The following KNDC1 variants were observed in gnomAD, a reference collection of about 807,000 sequenced individuals.
The protein encoded by KNDC1 is kinase non-catalytic C-lobe domain-containing protein 1.
In KNDC1, 106 loss-of-function variants were observed where a neutral mutation model predicts 172.8. That is an observed-to-expected ratio of 0.61 (90% CI 0.52 to 0.72). KNDC1 has a LOEUF of 0.72. Among genes scored for constraint, KNDC1 ranks in the 30% least tolerant of loss-of-function variants. KNDC1 has a pLI of 0.00. For synonymous variants in KNDC1, 1,083 were observed against 1,062.2 expected, an observed-to-expected ratio of 1.02 and a Z score of -0.38; for missense variants, 2,325 against 2,394.5, an observed-to-expected ratio of 0.97 and a Z score of 0.61.
rs1002176347 is a variant in KNDC1 at position 133,184,388 on chromosome 10, A to G, written c.625+399A>G. The stretch of plus-strand genomic sequence containing the variant: ...ACCCATGCACACACACATGCTGCGC[A>G]CACACACGCACACACGCACACACCC... On this transcript the variant is annotated intron_variant, in intron 5 of 29. Transcript: ENST00000304613. Among the ~76,000 whole-genome samples the G allele has an allele frequency of 5.9e-4, 87 of 147,140 alleles. 1 individual carries two copies. Among genetic ancestry groups the G allele is most frequent in the Middle Eastern group, 3.5e-3 (1 of 286 alleles).
At chr10:133,195,599 A>G in intron 9 of KNDC1, 64 bp from the exon 10 acceptor site, 2 of 1,416,960 alleles carry the variant, frequency 1.4e-6, no homozygotes, top group South Asian at 3.2e-5. Context: ...TGAGGTGGGC[A>G]GGTCTGCTGG....
chr10:133,187,468 T>C (rs1247930790), intron 6 of KNDC1, among the ~76,000 whole-genome samples: 1 of 152,254 alleles, frequency 6.6e-6, no homozygotes, highest in African/African-American at 2.4e-5. Context: ...GTGGCCTGCA[T>C]GCAAGTCCAT....
rs111210400 is a variant in KNDC1 at position 133,209,164 on chromosome 10, G to A, written c.3795-1447G>A. ...TGTGTGGTTGGGTATTGCGTGGCAG[G>A]TGTGCATGTGTGTATGGCATGGGGT... is the stretch of plus-strand genomic sequence containing the variant. On this transcript the variant is annotated intron_variant, in intron 20 of 29. Coordinates refer to ENST00000304613, the MANE Select transcript of KNDC1 (RefSeq NM_152643.8). This position sits in a 1 kb window ranked among gnomAD's most constrained non-coding sequence, Gnocchi z 4.9. 2.6e-3 allele frequency among the ~76,000 whole-genome samples: 387 copies of A among 151,600 alleles called. 2 individuals carry two copies. The highest frequency in any genetic ancestry group is 8.5e-3 in the African/African-American group (349 of 41,258).
At position 133,160,351 on chromosome 10, in the gene KNDC1, C is replaced by CGGGCGGGCGG. The variant is rs1564867118; in HGVS notation, c.-107_-98dup. 9 of 342,978 alleles carry CGGGCGGGCGG rather than the reference C, an allele frequency of 2.6e-5. No homozygotes were observed. The highest frequency in any genetic ancestry group is 1.2e-4 in the South Asian group (1 of 8,242). The allele number at this position is 342,978 out of a possible 1,614,324, so 21.2% of individuals were successfully genotyped here. On this transcript the variant is annotated 5_prime_UTR_variant, in exon 1 of 30. Coordinates refer to ENST00000304613, the MANE Select transcript of KNDC1 (RefSeq NM_152643.8). ...TCCCCTGGAGACACTGCGGCAGCGG[C>CGGGCGGGCGG]GGGCGGGCGGGGGCGGGCGAGGGCC...
rs751396237 is a variant in KNDC1 at position 133,183,834 on chromosome 10, C to T, written c.508-38C>T. ...TGGGTGGCTGCGGGAGATGGCCCCT[C>T]CTCCGAGCCTTCCTGTCTGAGGTGT... is the stretch of plus-strand genomic sequence containing the variant. On this transcript the variant is annotated intron_variant, in intron 4 of 29. Transcript: ENST00000304613. The T allele has an allele frequency of 2.7e-6, 4 of 1,479,924 alleles. No individual in the cohort carries two copies. The South Asian group carries it at 3.8e-5, about 14-fold the overall frequency. 91.7% of individuals were successfully genotyped at this position (1,479,924 alleles called of 1,614,324 possible). A position where few individuals can be genotyped will look rare whatever the true frequency, so the allele number is the denominator to read the frequency against.
rs781093672 is a variant in KNDC1, at chr10:133,201,764, G to A, written c.3253G>A (p.Gly1085Arg). Residue 1085 changes from glycine to arginine, a missense_variant, in exon 17 of 30, where the codon GGA becomes AGA. Transcript: ENST00000304613. ...CCCAGCCTTGTCCCCCGGCCCAGCC[G>A]GATTCCAGAGCTGCAGCCCCGGCTG... is the stretch of plus-strand genomic sequence containing the variant. The part of the protein sequence containing the change: ...VGPALSPGPA[G>R]FQSCSPGWCS... The A allele has an allele frequency of 4.4e-5, 69 of 1,560,712 alleles. No homozygotes were observed. The highest frequency in any genetic ancestry group is 1.8e-4 in the African/African-American group (13 of 73,266).
At chr10:133,180,131 C>T (rs1425705421) in intron 3 of KNDC1, among the ~76,000 whole-genome samples, 1 of 152,258 alleles carries the variant, frequency 6.6e-6, no homozygotes, top group Admixed American at 6.5e-5. Context: ...GGCTCAAATA[C>T]TGCAGCTTCT....
chr10:133,185,620 A>C (rs1205592019), intron 5 of KNDC1, among the ~76,000 whole-genome samples: 1 of 151,790 alleles, frequency 6.6e-6, no homozygotes, highest in East Asian at 2.0e-4. Flanking sequence ...GTGGGGACTC[A>C]CCTGTGTAAT....
intron 26 of KNDC1, among the ~76,000 whole-genome samples, 180 bp downstream of exon 26, chr10:133,214,302 T>C (rs1303526989): frequency 6.6e-6 from 1 of 152,076 alleles, no homozygotes; most frequent in Non-Finnish European, 1.5e-5. Context: ...CTTCACTACA[T>C]CAGGAGGAGG....
chr10:133,180,622 CA>C (rs1442397624), intron 3 of KNDC1, among the ~76,000 whole-genome samples: 1 of 152,258 alleles, frequency 6.6e-6, no homozygotes, highest in African/African-American at 2.4e-5. Context: ...TGAAGATAAA[CA>C]GGTCAGATTC....
In KNDC1 at chr10:133,218,872, A is replaced by C. The variant is rs3008370; in HGVS notation, c.4719A>C (p.Lys1573Asn). ...NLLSKFLLIA[K>N]SCYEQRNFAT... ...TGTCCAAATTTTTGCTGATTGCAAA[A>C]TCTTGCTATGAGCAGAGAAACTTCG... Residue 1573 changes from lysine (K) to asparagine (N), a missense_variant, in exon 27 of 30, where the codon AAA (lysine) becomes AAC (asparagine). Physicochemically the swap from Lys to Asn is moderately conservative, Grantham distance 94. Transcript: ENST00000304613. 6.2e-7 allele frequency: 1 copy of C among 1,613,514 alleles called. No individual in the cohort carries two copies. The highest frequency in any genetic ancestry group is 8.5e-7 in the Non-Finnish European group (1 of 1,179,572).
intron 3 of KNDC1, among the ~76,000 whole-genome samples, chr10:133,178,450 C>A (rs1186128861): frequency 2.0e-5 from 3 of 152,188 alleles, no homozygotes; most frequent in South Asian, 2.1e-4. Context: ...AAGGAATAGG[C>A]TTTCCACCCA....
rs372422290 is a variant in KNDC1 at position 133,201,581 on chromosome 10, G to T, written c.3070G>T (p.Ala1024Ser). ...CTCGGTGTCGGATGTGGACTCGGAC[G>T]CACTGTCACGGGGAAACTTCGAGGT... ...PTSVSDVDSD[A>S]LSRGNFEVGF... Residue 1024 changes from alanine (A) to serine (S), a missense_variant, in exon 17 of 30, where the codon GCA (alanine) becomes TCA (serine). By Grantham distance (99) the Ala-to-Ser change is moderately conservative (BLOSUM62 1). Coordinates refer to ENST00000304613, the MANE Select transcript of KNDC1 (RefSeq NM_152643.8). The T allele has an allele frequency of 6.2e-7, 1 of 1,612,942 alleles. No homozygotes were observed. The highest frequency in any genetic ancestry group is 8.5e-7 in the Non-Finnish European group (1 of 1,179,916).
At chr10:133,216,729 T>C (rs1845474294) in intron 26 of KNDC1, among the ~76,000 whole-genome samples, 1 of 152,150 alleles carries the variant, frequency 6.6e-6, no homozygotes, top group South Asian at 2.1e-4. Flanking sequence ...TTTGGTTTCT[T>C]TAGATTTGTT....
At chr10:133,222,232 G>A (rs1036613914) in intron 29 of KNDC1, among the ~76,000 whole-genome samples, 5 of 147,298 alleles carry the variant, frequency 3.4e-5, no homozygotes, top group Admixed American at 6.8e-5. Context: ...CCAGTGAGCC[G>A]AGATCGCGCC....
intron 3 of KNDC1, among the ~76,000 whole-genome samples, chr10:133,177,392 G>A (rs1300395051): frequency 6.6e-6 from 1 of 152,162 alleles, no homozygotes; most frequent in African/African-American, 2.4e-5. Flanking sequence ...ATGCAGTATG[G>A]TGTGTGGTGT....
At chr10:133,180,967 A>G (rs1025373182) in intron 3 of KNDC1, among the ~76,000 whole-genome samples, 1 of 152,370 alleles carries the variant, frequency 6.6e-6, no homozygotes, top group South Asian at 2.1e-4. Context: ...GTCATTTATC[A>G]GGAGGGTTTG....
rs1854024238 is a variant in KNDC1 at position 133,189,673 on chromosome 10, AGTGTGTGGGTTCCCCTCAGGCC to A, written c.1513+6_1513+27del. On this transcript the variant is annotated splice_donor_5th_base_variant and intron_variant, in intron 8 of 29. Transcript: ENST00000304613. Reference sequence around the variant, plus strand: ...TTCCAGCCACCCCCTGCCAACGGTGAGTGTGTGGGTTCCCCTCAGGCCGAGTCCAGCACCGGCTCGCCAGGGG... The same window carrying A: ...TTCCAGCCACCCCCTGCCAACGGTGAGAGTCCAGCACCGGCTCGCCAGGGG... The A allele has an allele frequency of 6.2e-7, 1 of 1,613,872 alleles. No homozygotes were observed. Among genetic ancestry groups the A allele is most frequent in the Non-Finnish European group, 8.5e-7 (1 of 1,179,952 alleles).
chr10:133,180,999 G>A lies in KNDC1; in HGVS notation c.361-2345G>A, dbSNP rs544356230. Among the ~76,000 whole-genome samples, 150 of 152,376 alleles carry A rather than the reference G, an allele frequency of 9.8e-4. 1 individual carries two copies. The highest frequency in any genetic ancestry group is 9.3e-3 in the South Asian group (45 of 4,830). ...TTTGTCGCAGCTGTCAGAATTGTAA[G>A]TGGAGGTGACCTGGGACCCAGCATC... On this transcript the variant is annotated intron_variant, in intron 3 of 29. Transcript: ENST00000304613.
Sources: gnomAD v4.1 joint callset for allele counts (sites outside exome capture counted in the v4.1 genomes callset) on GRCh38, gnomAD v4.1.1 for gene constraint, Gnocchi (gnomAD v3.1) non-coding constraint, MANE v1.5 for transcripts, NCBI Gene and HGNC (gene_info 2026-07-23, HGNC 2026-07-21) for gene names.